The following PMFBP1 variants were observed in gnomAD, a reference collection of about 807,000 sequenced individuals.
The protein encoded by PMFBP1 is polyamine modulated factor 1 binding protein 1.
Under a neutral mutation model 137.8 loss-of-function variants are expected in PMFBP1, and 131 were observed. The observed-to-expected ratio is 0.95, with a 90% confidence interval of 0.82 to 1.10. The LOEUF (loss-of-function observed/expected upper bound fraction) is 1.10, where lower values mean the gene tolerates loss of function less well. Ranked by LOEUF, PMFBP1 falls within the 50% of genes least tolerant of loss-of-function variation. The probability of loss-of-function intolerance (pLI) is 0.00; values close to 1 mark genes in which losing one functional copy is unlikely to be tolerated. For missense variants in PMFBP1, 1,199 were observed against 1,175.4 expected (o/e 1.02, Z -0.29); for synonymous variants, 490 against 450.4 (o/e 1.09, Z -1.11).
intron 6 of PMFBP1, 75 bp downstream of exon 6, chr16:72,140,337 T>C (rs2042697763): frequency 7.0e-7 from 1 of 1,422,866 alleles, no homozygotes; most frequent in Non-Finnish European, 9.8e-7. Context: ...TTTAGGTGAC[T>C]CTTTTCCCCT....
the PMFBP1 span, among the ~76,000 whole-genome samples, chr16:72,209,777 C>T: frequency 6.6e-6 from 1 of 152,180 alleles, no homozygotes; most frequent in South Asian, 2.1e-4. Flanking sequence ...GAGACCCATA[C>T]ACGAGAAGTG....
the PMFBP1 span, among the ~76,000 whole-genome samples, chr16:72,184,339 G>T: frequency 3.9e-5 from 6 of 152,088 alleles, no homozygotes; most frequent in African/African-American, 1.4e-4. Flanking sequence ...TTCTACACAG[G>T]TGTGCTCCAC....
intron 5 of PMFBP1, among the ~76,000 whole-genome samples, chr16:72,143,589 A>G (rs1229666992): frequency 6.6e-6 from 1 of 151,778 alleles, no homozygotes; most frequent in Non-Finnish European, 1.5e-5. Context: ...CAAAAATAAC[A>G]AAAATTAGCT....
intron 3 of PMFBP1, among the ~76,000 whole-genome samples, chr16:72,156,621 GA>G (rs199982672): frequency 0.026 from 3,759 of 143,210 alleles, 62 homozygotes; most frequent in Middle Eastern, 0.048. Flanking sequence ...CTCTGTCTCA[GA>G]AAAAAAAAAA....
In PMFBP1 at chr16:72,119,870, G is replaced by C; in HGVS notation, c.2988C>G (p.Ile996Met). ...MGQRMDLTKY[I>M]GMPHCPGSSY... is the part of the protein sequence containing the mutation. ...ACGTACCCGGGCAGTGGGGCATCCC[G>C]ATGTACTTGGTGAGGTCCATTCTTT... Residue 996 changes from isoleucine (I) to methionine (M), a missense_variant, in exon 20 of 21, where the codon ATC becomes ATG. Ile to Met is a conservative substitution (Grantham distance 10, BLOSUM62 1). Coordinates refer to ENST00000237353, the MANE Select transcript of PMFBP1 (RefSeq NM_031293.3). 2 of 1,614,142 alleles carry C rather than the reference G, an allele frequency of 1.2e-6. No individual in the cohort carries two copies. The highest frequency in any genetic ancestry group is 1.1e-5 in the South Asian group (1 of 91,068).
At position 72,139,390 on chromosome 16, in the gene PMFBP1, G is replaced by A. The variant is rs1188457733; in HGVS notation, c.817C>T (p.Arg273Cys). The A allele has an allele frequency of 5.6e-6, 9 of 1,613,126 alleles. No individual in the cohort carries two copies. The highest frequency in any genetic ancestry group is 5.0e-5 in the Admixed American group (3 of 59,968). Residue 273 changes from arginine to cysteine, a missense_variant, in exon 7 of 21, where the codon CGT (arginine) becomes TGT (cysteine). Arg to Cys is a radical substitution (Grantham distance 180, BLOSUM62 -3). Coordinates refer to ENST00000237353, the MANE Select transcript of PMFBP1 (RefSeq NM_031293.3). ...TGTAGTTTTATCAAAGCCTTTTCAC[G>A]CTCCAGAACCTGCAAATAAGCTTAG... is the stretch of plus-strand genomic sequence containing the variant. ...LACSNALVLE[R>C]EKALIKLQAD...
At chr16:72,215,691 C>T in the PMFBP1 span, among the ~76,000 whole-genome samples, 5 of 152,142 alleles carry the variant, frequency 3.3e-5, no homozygotes, top group South Asian at 2.1e-4. Flanking sequence ...GTAGGTGAAA[C>T]ATGTTGGCTA....
chr16:72,136,684 C>A lies in PMFBP1; in HGVS notation c.1045+9G>T. 6.2e-7 allele frequency: 1 copy of A among 1,614,088 alleles called. No individual in the cohort carries two copies. ...GGCTCCCCTGCCACAGCCTGCAGCC[C>A]CAGTTTACCCTTCATGATGTTTCTC... On this transcript the variant is annotated intron_variant, in intron 8 of 20. Coordinates refer to ENST00000237353, the MANE Select transcript of PMFBP1 (RefSeq NM_031293.3).
At chr16:72,222,555 G>A in the PMFBP1 span, among the ~76,000 whole-genome samples, 80 of 152,224 alleles carry the variant, frequency 5.3e-4, no homozygotes, top group South Asian at 8.3e-4. Context: ...AGAGACCACA[G>A]CACAAAGGGA....
At chr16:72,137,157 C>T (rs2042644916) in intron 7 of PMFBP1, among the ~76,000 whole-genome samples, 1 of 152,186 alleles carries the variant, frequency 6.6e-6, no homozygotes, top group African/African-American at 2.4e-5. Context: ...TTCTCAGGCT[C>T]ACACGGAATA....
the PMFBP1 span, among the ~76,000 whole-genome samples, chr16:72,236,871 T>C: frequency 6.6e-6 from 1 of 152,110 alleles, no homozygotes; most frequent in Non-Finnish European, 1.5e-5. Flanking sequence ...GGGGAGCAAA[T>C]AATTGAGAAG....
chr16:72,194,667 G>A, the PMFBP1 span, among the ~76,000 whole-genome samples: 9 of 152,180 alleles, frequency 5.9e-5, no homozygotes, highest in African/African-American at 1.9e-4. Context: ...ATGGGAGTGA[G>A]AGAATCGGTA....
the PMFBP1 span, among the ~76,000 whole-genome samples, chr16:72,215,266 A>G: frequency 6.6e-6 from 1 of 152,168 alleles, no homozygotes; most frequent in Non-Finnish European, 1.5e-5. Flanking sequence ...AAGCATACAG[A>G]GTCCCAAACA....
chr16:72,234,426 T>A, the PMFBP1 span, among the ~76,000 whole-genome samples: 71 of 152,232 alleles, frequency 4.7e-4, no homozygotes, highest in African/African-American at 1.6e-3. Context: ...CCTATTCTCA[T>A]TATGATAGTA....
At chr16:72,246,955 C>A in the PMFBP1 span, among the ~76,000 whole-genome samples, 1 of 152,160 alleles carries the variant, frequency 6.6e-6, no homozygotes, top group Non-Finnish European at 1.5e-5. Context: ...TACCCTCCTA[C>A]TGTTCAGGAA....
intron 5 of PMFBP1, among the ~76,000 whole-genome samples, chr16:72,142,997 A>G (rs2042745984): frequency 6.6e-6 from 1 of 152,198 alleles, no homozygotes; most frequent in African/African-American, 2.4e-5. Flanking sequence ...ATTATTAATA[A>G]TATATTATGA....
intron 3 of PMFBP1, 99 bp from the exon 4 acceptor site, chr16:72,154,558 A>G: frequency 7.6e-7 from 1 of 1,323,138 alleles, no homozygotes; most frequent in Non-Finnish European, 1.0e-6. Context: ...ATTCACATCC[A>G]TCTATCCATC....
the PMFBP1 span, among the ~76,000 whole-genome samples, chr16:72,217,163 T>C: frequency 6.6e-6 from 1 of 152,104 alleles, no homozygotes; most frequent in Non-Finnish European, 1.5e-5. Context: ...CAATGAAGCA[T>C]AAGAAGAGGG....
chr16:72,171,033 C>T (rs1011714443), intron 2 of PMFBP1, among the ~76,000 whole-genome samples, 164 bp downstream of exon 2: 4 of 152,112 alleles, frequency 2.6e-5, no homozygotes, highest in African/African-American at 4.8e-5. Context: ...GGACCCAGAC[C>T]CACCCAGCTC....
Sources: gnomAD v4.1 joint callset for allele counts (sites outside exome capture counted in the v4.1 genomes callset) on GRCh38, gnomAD v4.1.1 for gene constraint, MANE v1.5 for transcripts, NCBI Gene and HGNC (gene_info 2026-07-23, HGNC 2026-07-21) for gene names.